The following SVOPL variants were observed in gnomAD, a reference collection of about 807,000 sequenced individuals.
SVOPL encodes the protein putative transporter SVOPL.
SVOPL carries 60 observed loss-of-function variants against 61.0 expected under a neutral mutation model. The ratio of observed to expected loss-of-function variants is 0.98; its 90% CI spans 0.80 to 1.22. The LOEUF (loss-of-function observed/expected upper bound fraction) is 1.22, where lower values mean the gene tolerates loss of function less well. Among genes scored for constraint, SVOPL ranks in the 50% most tolerant of loss-of-function variants. SVOPL has a pLI of 0.00. For synonymous variants in SVOPL, 279 were observed against 250.0 expected (o/e 1.12, Z -1.09); for missense variants, 662 against 643.9 (o/e 1.03, Z -0.30).
intron 14 of SVOPL, among the ~76,000 whole-genome samples, chr7:138,606,826 TG>T (rs1798779397): frequency 6.6e-6 from 1 of 152,082 alleles, no homozygotes; most frequent in East Asian, 1.9e-4. Context: ...TGGTGGCGCA[TG>T]CCTGTTATCC....
chr7:138,685,235 A>G lies in SVOPL; in HGVS notation c.-34-6156T>C, dbSNP rs149930859. Reference sequence around the variant, plus strand: ...GTGTGAGTCACTGTGCCCGGCCACAATGGAATATTATTCATCTTTAAAAAA... The same window carrying G: ...GTGTGAGTCACTGTGCCCGGCCACAGTGGAATATTATTCATCTTTAAAAAA... On this transcript the variant is annotated intron_variant, in intron 1 of 15. Transcript: ENST00000674285. 7.9e-5 allele frequency among the ~76,000 whole-genome samples: 12 copies of G among 152,298 alleles called. No individual in the cohort carries two copies. The East Asian group carries it at 1.2e-3, about 15-fold the overall frequency.
rs115349752 is a variant in SVOPL at position 138,698,741 on chromosome 7, T to C, written c.-35+2437A>G. On this transcript the variant is annotated intron_variant, in intron 1 of 15. Transcript: ENST00000674285. The stretch of plus-strand genomic sequence containing the variant: ...AGATGATGTTTATAAAATATGTCAA[T>C]GTGCCATTGCATCAAAAGTCCTCAT... Among the ~76,000 whole-genome samples the C allele has an allele frequency of 9.4e-3, 1,427 of 152,352 alleles. 25 individuals carry two copies. Among genetic ancestry groups the C allele is most frequent in the African/African-American group, 0.032 (1,331 of 41,588 alleles).
In SVOPL at chr7:138,641,814, T is replaced by TTATATATATATATATATATATATA. The variant is rs10666134; in HGVS notation, c.789+2902_789+2903insTATATATATATATATATATATATA. 9.9e-5 allele frequency among the ~76,000 whole-genome samples: 12 copies of TTATATATATATATATATATATATA among 120,974 alleles called. No homozygotes were observed. In the East Asian group the frequency reaches 1.1e-3, roughly 11 times the overall value. 79.4% of individuals were successfully genotyped at this position (120,974 alleles called of 152,430 possible). On this transcript the variant is annotated intron_variant, in intron 9 of 15. Coordinates refer to ENST00000674285, the MANE Select transcript of SVOPL (RefSeq NM_001139456.2). ...TCTAGACGTATCAAATATATATATG[T>TTATATATATATATATATATATATA]TATATATATATATATATATAACATA...
chr7:138,647,941 G>C (rs1040106553), intron 8 of SVOPL, among the ~76,000 whole-genome samples: 1 of 151,920 alleles, frequency 6.6e-6, no homozygotes, highest in Non-Finnish European at 1.5e-5. Context: ...TTGAGTCGAG[G>C]TTTAGAATGA....
intron 14 of SVOPL, 63 bp from the exon 15 acceptor site, chr7:138,596,593 T>G: frequency 6.4e-7 from 1 of 1,571,926 alleles, no homozygotes; most frequent in Non-Finnish European, 8.7e-7. Flanking sequence ...CTGTTCTTTA[T>G]GTGAAAGAGA....
At chr7:138,653,472 G>C (rs529964556) in intron 7 of SVOPL, among the ~76,000 whole-genome samples, 2 of 152,224 alleles carry the variant, frequency 1.3e-5, no homozygotes, top group East Asian at 1.9e-4. Flanking sequence ...AATGATCATC[G>C]ACCATTCTGA....
chr7:138,594,934 T>C (rs1285028124), intron 15 of SVOPL, among the ~76,000 whole-genome samples: 2 of 150,520 alleles, frequency 1.3e-5, no homozygotes, highest in African/African-American at 4.9e-5. Context: ...AACTTTTTTT[T>C]TTTTAGAGAC....
intron 9 of SVOPL, among the ~76,000 whole-genome samples, chr7:138,638,272 C>CAAAAAA (rs56000217): frequency 9.4e-5 from 9 of 95,796 alleles, no homozygotes; most frequent in African/African-American, 3.8e-4. Flanking sequence ...GACTCCACCT[C>CAAAAAA]AAAAAAAAAA....
intron 1 of SVOPL, among the ~76,000 whole-genome samples, chr7:138,696,120 G>T (rs1329583618): frequency 6.6e-6 from 1 of 152,080 alleles, no homozygotes; most frequent in Non-Finnish European, 1.5e-5. Context: ...CCTTCACCAA[G>T]AATTCTTTTT....
intron 9 of SVOPL, among the ~76,000 whole-genome samples, chr7:138,642,848 A>AAAAAAAAAAAAGAAG (rs1437306629): frequency 1.1e-3 from 38 of 35,430 alleles, no homozygotes; most frequent in African/African-American, 1.8e-3. Flanking sequence ...AAAAAAAAAA[A>AAAAAAAAAAAAGAAG]AAGAAGAAAC....
At chr7:138,662,813 T>A in intron 5 of SVOPL, 1 of 1,285,166 alleles carries the variant, frequency 7.8e-7, no homozygotes, top group Non-Finnish European at 9.9e-7. Context: ...TCCTTCTGGG[T>A]AGAGATTTCT....
intron 7 of SVOPL, among the ~76,000 whole-genome samples, chr7:138,654,595 G>T (rs1472709582): frequency 6.7e-6 from 1 of 148,366 alleles, no homozygotes; most frequent in Non-Finnish European, 1.5e-5. Flanking sequence ...CTCCTCCCAG[G>T]TTCAAGCGAT....
At chr7:138,642,287 C>CAAAAAAAAA (rs79469915) in intron 9 of SVOPL, among the ~76,000 whole-genome samples, 11 of 111,640 alleles carry the variant, frequency 9.9e-5, no homozygotes, top group African/African-American at 3.6e-4. Flanking sequence ...GGAAATTAGC[C>CAAAAAAAAA]AAAAAAAAAA....
chr7:138,658,913 C>G (rs192923912), intron 6 of SVOPL, among the ~76,000 whole-genome samples: 1 of 151,536 alleles, frequency 6.6e-6, no homozygotes, highest in Admixed American at 6.6e-5. Flanking sequence ...CAACTACCAC[C>G]ATCTGAATGG....
At chr7:138,597,253 G>A (rs1798318377) in intron 14 of SVOPL, 1 of 1,278,042 alleles carries the variant, frequency 7.8e-7, no homozygotes, top group Admixed American at 2.3e-5. Flanking sequence ...AAGCTCTCTA[G>A]AATCACAGAA....
At chr7:138,668,272 C>T (rs571304748) in intron 4 of SVOPL, among the ~76,000 whole-genome samples, 34 of 152,162 alleles carry the variant, frequency 2.2e-4, no homozygotes, top group Non-Finnish European at 4.1e-4. Context: ...CTCTGCTCCC[C>T]AAATGCTCAG....
chr7:138,594,696 A>T, intron 15 of SVOPL, 75 bp from the exon 16 acceptor site: 1 of 1,055,514 alleles, frequency 9.5e-7, no homozygotes, highest in Non-Finnish European at 1.3e-6. Flanking sequence ...GCTATCTGAT[A>T]TTTTAGTAAT....
chr7:138,671,266 C>T (rs945907778), intron 4 of SVOPL, among the ~76,000 whole-genome samples: 1 of 152,202 alleles, frequency 6.6e-6, no homozygotes, highest in Non-Finnish European at 1.5e-5. Context: ...CTTCTCAGCA[C>T]ACATGCATAC....
chr7:138,634,816 A>G (rs1800388332), intron 9 of SVOPL, among the ~76,000 whole-genome samples: 1 of 150,270 alleles, frequency 6.7e-6, no homozygotes. Flanking sequence ...CTGTACAAAA[A>G]TAGCCAGGCA....
Sources: allele counts gnomAD v4.1 joint callset (sites outside exome capture counted in the v4.1 genomes callset), GRCh38; gene constraint gnomAD v4.1.1; transcripts MANE v1.5; gene names NCBI Gene and HGNC (gene_info 2026-07-23, HGNC 2026-07-21).